PJA2: variants seen among roughly 807,000 people sequenced by gnomAD.
The protein encoded by PJA2 is E3 ubiquitin-protein ligase Praja-2.
A neutral mutation model predicts 69.3 loss-of-function variants in PJA2; 25 were observed. That is an observed-to-expected ratio of 0.36 (90% CI 0.26 to 0.50). PJA2 has a LOEUF of 0.50. PJA2 is among the 20% of genes least tolerant of loss of function. PJA2 has a pLI of 0.96. For synonymous variants in PJA2, 308 were observed against 277.8 expected (o/e 1.11, Z -1.08); for missense variants, 809 against 830.2 (o/e 0.97, Z 0.31).
intron 4 of PJA2, among the ~76,000 whole-genome samples, chr5:109,372,505 C>T (rs1762689707): frequency 6.6e-6 from 1 of 152,146 alleles, no homozygotes. Context: ...AACACAGCTG[C>T]TTCTTTAACA....
intron 1 of PJA2, among the ~76,000 whole-genome samples, chr5:109,404,216 T>G (rs983098800): frequency 6.6e-5 from 10 of 151,696 alleles, no homozygotes; most frequent in African/African-American, 2.4e-4. Context: ...AAGTGGCTTA[T>G]AAACAACAGA....
At chr5:109,393,199 G>C (rs189956818) in intron 1 of PJA2, among the ~76,000 whole-genome samples, 4 of 152,238 alleles carry the variant, frequency 2.6e-5, no homozygotes, top group Non-Finnish European at 5.9e-5. Flanking sequence ...ACGCACTCCA[G>C]AAAAGGTTAC....
rs1368926052 is a variant in PJA2 at position 109,344,041 on chromosome 5, G to A, written c.2001+149C>T. On this transcript the variant is annotated intron_variant, in intron 9 of 9. Transcript: ENST00000361189. Reference sequence around the variant, plus strand: ...GAACCCTGGAGGCAGAGGTTGCAGTGAGCCGAGATCGAACCACTGCACTCC... The same window carrying A: ...GAACCCTGGAGGCAGAGGTTGCAGTAAGCCGAGATCGAACCACTGCACTCC... 3 of 481,362 alleles carry A rather than the reference G, an allele frequency of 6.2e-6. No individual in the cohort carries two copies. In the East Asian group the frequency reaches 1.2e-4, roughly 19 times the overall value. The allele number at this position is 481,362 out of a possible 1,614,324, so 29.8% of individuals were successfully genotyped here.
chr5:109,384,823 C>CT lies in PJA2; in HGVS notation c.-87-1304dup, dbSNP rs1179803960. On this transcript the variant is annotated intron_variant, in intron 1 of 9. Transcript: ENST00000361189. Reference sequence around the variant, plus strand: ...TAGGTGCTAATTAACAGTGTTTTAACTTTTTTTTTTTTGAGGGCGAGTCTT... The same window carrying CT: ...TAGGTGCTAATTAACAGTGTTTTAACTTTTTTTTTTTTTGAGGGCGAGTCTT... Among the ~76,000 whole-genome samples, 1,226 of 146,954 alleles carry CT rather than the reference C, an allele frequency of 8.3e-3. 14 individuals are homozygous for CT. The highest frequency in any genetic ancestry group is 0.027 in the African/African-American group (1,081 of 40,480).
chr5:109,392,137 CA>C (rs1057361771), intron 1 of PJA2, among the ~76,000 whole-genome samples: 2 of 152,040 alleles, frequency 1.3e-5, no homozygotes, highest in African/African-American at 4.8e-5. Context: ...CAAGAATAAC[CA>C]AAGTTATCAC....
Position 109,352,889 on chromosome 5 carries a change from CT to C in PJA2, c.1764+3025del, listed in dbSNP as rs1412007350. 7.4e-5 allele frequency among the ~76,000 whole-genome samples: 11 copies of C among 148,420 alleles called. No individual in the cohort carries two copies. In the Admixed American group the frequency reaches 7.5e-4, roughly 10 times the overall value. On this transcript the variant is annotated intron_variant, in intron 7 of 9. Transcript: ENST00000361189. The stretch of plus-strand genomic sequence containing the variant: ...ACATCTATATATTAGATATCTATAT[CT>C]ATAGACATCTATATATTAGATACCT...
intron 6 of PJA2, among the ~76,000 whole-genome samples, chr5:109,356,905 C>G (rs977298582): frequency 3.3e-5 from 5 of 152,082 alleles, no homozygotes; most frequent in Non-Finnish European, 7.4e-5. Flanking sequence ...TTTGGTCCTA[C>G]TCTCCTTCCT....
intron 7 of PJA2, among the ~76,000 whole-genome samples, chr5:109,345,559 C>T (rs1490064580): frequency 1.3e-5 from 2 of 149,176 alleles, no homozygotes; most frequent in Non-Finnish European, 3.0e-5. Context: ...TAATCATCTA[C>T]TTCTCCGTAT....
intron 4 of PJA2, among the ~76,000 whole-genome samples, chr5:109,376,793 T>C (rs1481156819): frequency 1.3e-5 from 2 of 152,164 alleles, no homozygotes; most frequent in Non-Finnish European, 2.9e-5. Flanking sequence ...TTTTGATATA[T>C]ATTTCCCAGA....
intron 4 of PJA2, among the ~76,000 whole-genome samples, chr5:109,377,796 T>C (rs1746925921): frequency 6.6e-6 from 1 of 152,188 alleles, no homozygotes; most frequent in African/African-American, 2.4e-5. Flanking sequence ...CAAGTGATAT[T>C]AGTCACTACT....
At chr5:109,343,305 GAAAGAAAA>G (rs1184565080) in intron 9 of PJA2, among the ~76,000 whole-genome samples, 1 of 23,676 alleles carries the variant, frequency 4.2e-5, no homozygotes, top group Non-Finnish European at 7.7e-5. Context: ...AAGAAAGAAA[GAAAGAAAA>G]AAAGAAAATA....
intron 7 of PJA2, among the ~76,000 whole-genome samples, chr5:109,353,495 CTAT>C (rs1475051489): frequency 1.1e-5 from 1 of 94,466 alleles, no homozygotes; most frequent in African/African-American, 2.9e-5. Flanking sequence ...TATTAGATAT[CTAT>C]AATATCTATA....
intron 6 of PJA2, 147 bp from the exon 7 acceptor site, chr5:109,356,173 G>A (rs1207852576): frequency 1.7e-6 from 1 of 597,888 alleles, no homozygotes; most frequent in Non-Finnish European, 2.9e-6. Context: ...CAACTTGTAG[G>A]GTTAGGGGCA....
At chr5:109,400,227 G>A (rs952432422) in intron 1 of PJA2, among the ~76,000 whole-genome samples, 2 of 151,328 alleles carry the variant, frequency 1.3e-5, no homozygotes, top group African/African-American at 4.9e-5. Flanking sequence ...GGAGGCAGAG[G>A]TTGCAGTGAG....
intron 6 of PJA2, among the ~76,000 whole-genome samples, chr5:109,359,134 T>TAC (rs1762470720): frequency 6.6e-6 from 1 of 152,346 alleles, no homozygotes; most frequent in African/African-American, 2.4e-5. Flanking sequence ...TATGATGATC[T>TAC]ACTTCCACTT....
At chr5:109,376,068 T>C (rs1489557098) in intron 4 of PJA2, among the ~76,000 whole-genome samples, 2 of 152,170 alleles carry the variant, frequency 1.3e-5, no homozygotes, top group African/African-American at 2.4e-5. Flanking sequence ...ATTTATTCTA[T>C]GATTCTTTAA....
At chr5:109,348,084 CA>C (rs1456351915) in intron 7 of PJA2, among the ~76,000 whole-genome samples, 1 of 152,172 alleles carries the variant, frequency 6.6e-6, no homozygotes, top group Non-Finnish European at 1.5e-5. Flanking sequence ...GTAGTGGCAT[CA>C]CAATTAATCA....
At chr5:109,382,217 A>T (rs1194421951) in intron 2 of PJA2, among the ~76,000 whole-genome samples, 2 of 152,200 alleles carry the variant, frequency 1.3e-5, no homozygotes, top group Admixed American at 1.3e-4. Context: ...AATCAACTAG[A>T]TCACAATAAA....
intron 1 of PJA2, among the ~76,000 whole-genome samples, chr5:109,401,604 T>C (rs927594031): frequency 1.3e-5 from 2 of 152,198 alleles, no homozygotes; most frequent in Non-Finnish European, 2.9e-5. Flanking sequence ...ATAGCATCCT[T>C]AATATTAGAA....
Sources: gnomAD v4.1 joint callset for allele counts (sites outside exome capture counted in the v4.1 genomes callset) on GRCh38, gnomAD v4.1.1 for gene constraint, MANE v1.5 for transcripts, NCBI Gene and HGNC (gene_info 2026-07-23, HGNC 2026-07-21) for gene names.